TENM2: variants seen among roughly 807,000 people sequenced by gnomAD.
The protein encoded by TENM2 is teneurin transmembrane protein 2.
In TENM2, 52 loss-of-function variants were observed where a neutral mutation model predicts 245.2. The observed-to-expected ratio is 0.21, with a 90% CI of 0.17 to 0.27. The LOEUF (loss-of-function observed/expected upper bound fraction) is 0.27, where lower values mean the gene tolerates loss of function less well. TENM2 is among the 10% of genes least tolerant of loss of function. The probability of loss-of-function intolerance (pLI) is 1.00; values close to 1 mark genes in which losing one functional copy is unlikely to be tolerated. For missense variants in TENM2, 3,046 were observed against 3,666.8 expected (o/e 0.83, Z 4.37); for synonymous variants, 1,363 against 1,438.9 (o/e 0.95, Z 1.19).
chr5:167,189,257 G>A, the TENM2 span, among the ~76,000 whole-genome samples: 4 of 152,038 alleles, frequency 2.6e-5, no homozygotes, highest in South Asian at 2.1e-4. Context: ...GAAAAAGACC[G>A]TTAAGTTTTC....
chr5:168,121,646 A>G (rs1795474900), intron 10 of TENM2, among the ~76,000 whole-genome samples: 2 of 152,168 alleles, frequency 1.3e-5, no homozygotes, highest in Admixed American at 1.3e-4. Flanking sequence ...ATTTATCTGG[A>G]AGAAAAATGC....
At chr5:167,229,463 G>C in the TENM2 span, among the ~76,000 whole-genome samples, 1 of 152,168 alleles carries the variant, frequency 6.6e-6, no homozygotes, top group South Asian at 2.1e-4. Context: ...AAATAACAGT[G>C]GTATGGTATA....
chr5:167,317,091 C>G (rs886835387), intron 1 of TENM2, among the ~76,000 whole-genome samples: 5 of 151,972 alleles, frequency 3.3e-5, no homozygotes, highest in African/African-American at 1.2e-4. Context: ...GACACTCATC[C>G]CATCTACAAT....
At chr5:167,897,887 A>ATTTTTTTTT (rs1432727515) in intron 3 of TENM2, among the ~76,000 whole-genome samples, 2 of 136,762 alleles carry the variant, frequency 1.5e-5, no homozygotes, top group African/African-American at 5.5e-5. Flanking sequence ...TCCGTAGTAA[A>ATTTTTTTTT]TTGTTTTTTT....
the TENM2 span, among the ~76,000 whole-genome samples, chr5:167,005,744 C>T: frequency 7.3e-6 from 1 of 137,418 alleles, no homozygotes; most frequent in East Asian, 2.5e-4. Flanking sequence ...TCACTGTAAA[C>T]TCTGCCTCCC....
chr5:167,708,850 G>T (rs1758714834), intron 2 of TENM2, among the ~76,000 whole-genome samples: 1 of 152,064 alleles, frequency 6.6e-6, no homozygotes, highest in Non-Finnish European at 1.5e-5. Context: ...AGCACAATGG[G>T]AGTATATAAG....
intron 2 of TENM2, among the ~76,000 whole-genome samples, chr5:167,811,345 G>T (rs1376385152): frequency 1.3e-5 from 2 of 151,988 alleles, no homozygotes; most frequent in Non-Finnish European, 2.9e-5. Flanking sequence ...GTTCTCATGA[G>T]ATCTGGTTGT....
At position 167,452,931 on chromosome 5, in the gene TENM2, T is replaced by TTC. The variant is rs1264260420; in HGVS notation, c.502+77459_502+77460insCT. On this transcript the variant is annotated intron_variant, in intron 2 of 28. Coordinates refer to ENST00000518659, the Ensembl canonical transcript of TENM2. ...TGTACCCTAGAACTTAAAGTATGATTTATATATATATATATATATATATAT... is the reference window on the plus strand; with the variant it reads ...TGTACCCTAGAACTTAAAGTATGATTTCTATATATATATATATATATATATAT... 4.9e-3 allele frequency among the ~76,000 whole-genome samples: 24 copies of TTC among 4,868 alleles called. 2 individuals carry two copies. Among genetic ancestry groups the TTC allele is most frequent in the Admixed American group, 0.015 (3 of 204 alleles). 3.2% of individuals were successfully genotyped at this position (4,868 alleles called of 152,430 possible). A position where few individuals can be genotyped will look rare whatever the true frequency, so the allele number is the denominator to read the frequency against.
chr5:167,119,768 T>G, the TENM2 span, among the ~76,000 whole-genome samples: 2 of 152,248 alleles, frequency 1.3e-5, no homozygotes, highest in East Asian at 3.8e-4. Context: ...CAACCTGCTT[T>G]GTGGATGGCC....
the TENM2 span, among the ~76,000 whole-genome samples, chr5:167,063,336 C>A: frequency 1.3e-5 from 2 of 152,146 alleles, no homozygotes; most frequent in African/African-American, 2.4e-5. Context: ...TATGTTCTCA[C>A]ACACAGTTCC....
intron 2 of TENM2, among the ~76,000 whole-genome samples, chr5:167,639,671 T>G (rs1173598380): frequency 6.6e-6 from 1 of 152,172 alleles, no homozygotes; most frequent in Non-Finnish European, 1.5e-5. Context: ...AAACCTTGAC[T>G]TTTAGCTGCA....
At chr5:167,011,012 TTAAG>T in the TENM2 span, among the ~76,000 whole-genome samples, 1 of 152,278 alleles carries the variant, frequency 6.6e-6, no homozygotes, top group East Asian at 1.9e-4. Context: ...CAAAAACAGG[TTAAG>T]TAGACTGGTC....
chr5:167,968,643 GAA>G (rs1316094038), intron 4 of TENM2, among the ~76,000 whole-genome samples: 1 of 152,118 alleles, frequency 6.6e-6, no homozygotes, highest in African/African-American at 2.4e-5. Context: ...GGGAAGGTGG[GAA>G]ATGTTGCTTT....
intron 13 of TENM2, among the ~76,000 whole-genome samples, chr5:168,167,326 G>A (rs745991553): frequency 1.4e-4 from 21 of 152,028 alleles, no homozygotes; most frequent in Non-Finnish European, 2.1e-4. Context: ...GTGAGGAGGC[G>A]TTGTTAGACT....
rs777429968 is a variant in TENM2, at chr5:168,216,881, G to A, written c.4192G>A (p.Val1398Ile). 2.7e-5 allele frequency: 44 copies of A among 1,613,798 alleles called. 1 individual carries two copies. The highest frequency in any genetic ancestry group is 5.5e-5 in the South Asian group (5 of 91,068). ...GCTGGGCTCCAATGACCTCACTGCC[G>A]TCCGGCCGCTGAGCTGTGATTCCAG... is the stretch of plus-strand genomic sequence containing the variant. Residue 1398 changes from valine (V) to isoleucine (I), a missense_variant, in exon 22 of 29, where the codon GTC (valine) becomes ATC (isoleucine). Val to Ile is a conservative substitution (Grantham distance 29). Coordinates refer to ENST00000518659, the Ensembl canonical transcript of TENM2.
the TENM2 span, among the ~76,000 whole-genome samples, chr5:167,043,848 C>A: frequency 5.9e-5 from 9 of 152,086 alleles, no homozygotes; most frequent in African/African-American, 2.2e-4. Flanking sequence ...ATGGTGAAAC[C>A]GTCTCTACTA....
At chr5:168,211,591 G>C (rs1330235267) in intron 19 of TENM2, 143 bp from the exon 22 acceptor site, 4 of 575,588 alleles carry the variant, frequency 6.9e-6, no homozygotes, top group Non-Finnish European at 1.2e-5. Context: ...TGAGCCAGGA[G>C]TTGTCAGTTA....
At chr5:167,447,410 A>G (rs1466395848) in intron 2 of TENM2, among the ~76,000 whole-genome samples, 1 of 152,226 alleles carries the variant, frequency 6.6e-6, no homozygotes, top group African/African-American at 2.4e-5. Flanking sequence ...ATGTGTATTA[A>G]AATAGTTTGG....
the TENM2 span, among the ~76,000 whole-genome samples, chr5:167,137,072 T>A: frequency 6.6e-6 from 1 of 152,206 alleles, no homozygotes; most frequent in Non-Finnish European, 1.5e-5. Flanking sequence ...TGGCAGAGAC[T>A]GAGGGTGATA....
Sources: gnomAD v4.1 joint callset for allele counts (sites outside exome capture counted in the v4.1 genomes callset) on GRCh38, gnomAD v4.1.1 for gene constraint, MANE v1.5 for transcripts, NCBI Gene and HGNC (gene_info 2026-07-23, HGNC 2026-07-21) for gene names.